Variants in UVRAG observed in about 807,000 individuals in gnomAD.
UVRAG encodes the protein UV radiation resistance associated.
UVRAG carries 19 observed loss-of-function variants against 78.0 expected under a neutral mutation model. The ratio of observed to expected loss-of-function variants is 0.24; its 90% CI spans 0.17 to 0.36. The LOEUF is 0.36. Among genes scored for constraint, UVRAG ranks in the 10% least tolerant of loss-of-function variants. The pLI, the probability that UVRAG is intolerant of heterozygous loss-of-function variation, is 1.00. For missense variants in UVRAG, 740 were observed against 853.8 expected, an observed-to-expected ratio of 0.87 and a Z score of 1.66; for synonymous variants, 323 against 324.6, an observed-to-expected ratio of 1.00 and a Z score of 0.05.
At position 76,082,539 on chromosome 11, in the gene UVRAG, C is replaced by CAAA. The variant is rs5792708; in HGVS notation, c.1305+16769_1305+16771dup. The stretch of plus-strand genomic sequence containing the variant: ...TGGGCAACAGAGCGAGACTCCGTCC[C>CAAA]AAAAAAAAAAAAAAAAAAAACATAG... On this transcript the variant is annotated intron_variant, in intron 13 of 14. Coordinates refer to ENST00000356136, the MANE Select transcript of UVRAG (RefSeq NM_003369.4). 2.9e-3 allele frequency among the ~76,000 whole-genome samples: 298 copies of CAAA among 101,300 alleles called. 1 individual carries two copies. The highest frequency in any genetic ancestry group is 8.3e-3 in the East Asian group (29 of 3,488). The allele number at this position is 101,300 out of a possible 152,430, so 66.5% of individuals were successfully genotyped here.
chr11:76,127,205 T>G (rs1394707273), intron 14 of UVRAG, among the ~76,000 whole-genome samples: 1 of 152,200 alleles, frequency 6.6e-6, no homozygotes, highest in African/African-American at 2.4e-5. Context: ...GAAATGTGGA[T>G]TTCGGTAATG....
chr11:75,966,585 T>C (rs945098448), intron 7 of UVRAG, among the ~76,000 whole-genome samples: 2 of 152,214 alleles, frequency 1.3e-5, no homozygotes, highest in African/African-American at 4.8e-5. Flanking sequence ...AACATCTGGA[T>C]CATCTTGGGG....
intron 13 of UVRAG, among the ~76,000 whole-genome samples, chr11:76,107,550 A>G (rs575076278): frequency 1.7e-3 from 254 of 152,350 alleles, no homozygotes; most frequent in South Asian, 3.5e-3. Flanking sequence ...ATTATAACAT[A>G]TCTATTTTGG....
chr11:75,999,374 TTTTG>T (rs201789969), intron 8 of UVRAG, among the ~76,000 whole-genome samples: 2,772 of 152,112 alleles, frequency 0.018, 35 homozygotes, highest in Middle Eastern at 0.027. Context: ...TCAGTTGTTT[TTTTG>T]TTTGTTTATT....
intron 8 of UVRAG, among the ~76,000 whole-genome samples, chr11:75,993,278 C>G (rs1475461120): frequency 6.6e-6 from 1 of 152,166 alleles, no homozygotes; most frequent in Non-Finnish European, 1.5e-5. Flanking sequence ...ATCCACGCTG[C>G]TGACTTGCTG....
intron 5 of UVRAG, among the ~76,000 whole-genome samples, chr11:75,891,443 T>G (rs986458051): frequency 1.3e-5 from 2 of 152,160 alleles, no homozygotes; most frequent in African/African-American, 2.4e-5. Flanking sequence ...CTGGCACATA[T>G]AATAATAATA....
chr11:76,035,113 C>T (rs921631197), intron 12 of UVRAG, among the ~76,000 whole-genome samples: 2 of 152,050 alleles, frequency 1.3e-5, no homozygotes, highest in African/African-American at 4.8e-5. Flanking sequence ...TTCCATACAG[C>T]GAATATTTAT....
intron 1 of UVRAG, among the ~76,000 whole-genome samples, chr11:75,848,999 T>C (rs953232162): frequency 2.0e-5 from 3 of 151,500 alleles, no homozygotes; most frequent in African/African-American, 7.3e-5. Flanking sequence ...GCCAACATGG[T>C]GAAACCCTGT....
At chr11:75,954,934 G>A (rs1287489295) in intron 6 of UVRAG, among the ~76,000 whole-genome samples, 1 of 152,186 alleles carries the variant, frequency 6.6e-6, no homozygotes, top group Non-Finnish European at 1.5e-5. Flanking sequence ...TGGATTAGGA[G>A]TTTATTTATC....
chr11:75,887,434 C>T (rs1394660696), intron 4 of UVRAG, among the ~76,000 whole-genome samples: 1 of 139,912 alleles, frequency 7.1e-6, no homozygotes. Flanking sequence ...CTTGAACCAG[C>T]GTGCCTGGCG....
At chr11:75,852,027 C>G (rs1946163645) in intron 2 of UVRAG, 27 bp downstream of exon 2, 1 of 1,446,288 alleles carries the variant, frequency 6.9e-7, no homozygotes, top group Non-Finnish European at 9.5e-7. Context: ...CCTTACTACC[C>G]ACAGATTGTT....
At chr11:76,113,329 T>G (rs1284252870) in intron 13 of UVRAG, among the ~76,000 whole-genome samples, 2 of 152,128 alleles carry the variant, frequency 1.3e-5, no homozygotes, top group Non-Finnish European at 2.9e-5. Flanking sequence ...GGAAAGGGGA[T>G]AAAGTGTTTG....
chr11:75,872,923 T>A (rs1037352214), intron 3 of UVRAG, among the ~76,000 whole-genome samples: 3 of 152,206 alleles, frequency 2.0e-5, no homozygotes, highest in Non-Finnish European at 4.4e-5. Flanking sequence ...GTAATGGTGC[T>A]GGATATTGTA....
intron 12 of UVRAG, among the ~76,000 whole-genome samples, chr11:76,030,287 C>A (rs778114415): frequency 6.6e-6 from 1 of 152,140 alleles, no homozygotes; most frequent in East Asian, 1.9e-4. Context: ...TCTCTCTCAC[C>A]CTCCCAAAAT....
chr11:75,927,938 A>T (rs1388615671), intron 6 of UVRAG, among the ~76,000 whole-genome samples: 1 of 152,022 alleles, frequency 6.6e-6, no homozygotes, highest in Non-Finnish European at 1.5e-5. Context: ...CTAGTTTTTA[A>T]AAAAATACCT....
chr11:76,078,163 A>T (rs1951434965), intron 13 of UVRAG, among the ~76,000 whole-genome samples: 2 of 152,220 alleles, frequency 1.3e-5, no homozygotes, highest in Non-Finnish European at 2.9e-5. Context: ...TTGGCATCAA[A>T]GTGACCGGCA....
intron 13 of UVRAG, among the ~76,000 whole-genome samples, chr11:76,096,365 T>C (rs1951785558): frequency 6.6e-6 from 1 of 152,058 alleles, no homozygotes; most frequent in Non-Finnish European, 1.5e-5. Flanking sequence ...TAAGAGTACG[T>C]CCAAGGGAAG....
At chr11:75,839,899 A>G (rs1945872413) in intron 1 of UVRAG, among the ~76,000 whole-genome samples, 1 of 151,752 alleles carries the variant, frequency 6.6e-6, no homozygotes. Context: ...TGAGAGAGGA[A>G]TATAATGAAC....
At chr11:75,883,891 A>G (rs1245305478) in intron 4 of UVRAG, among the ~76,000 whole-genome samples, 1 of 152,246 alleles carries the variant, frequency 6.6e-6, no homozygotes, top group Admixed American at 6.5e-5. Context: ...AACCACCACC[A>G]TAATAAATAA....
Sources: gnomAD v4.1 joint callset for allele counts (sites outside exome capture counted in the v4.1 genomes callset) on GRCh38, gnomAD v4.1.1 for gene constraint, MANE v1.5 for transcripts, NCBI Gene and HGNC (gene_info 2026-07-23, HGNC 2026-07-21) for gene names.